The following LIMD1 variants were observed in gnomAD, a reference collection of about 807,000 sequenced individuals.
LIMD1 encodes the protein LIM domain-containing protein 1.
Under a neutral mutation model 58.4 loss-of-function variants are expected in LIMD1, and 23 were observed. The ratio of observed to expected loss-of-function variants is 0.39; its 90% CI spans 0.28 to 0.56. The LOEUF is 0.56. LIMD1 is among the 20% of genes least tolerant of loss of function. LIMD1 has a pLI of 0.57. For missense variants in LIMD1, 838 were observed against 855.5 expected, an observed-to-expected ratio of 0.98 and a Z score of 0.25; for synonymous variants, 334 against 345.5, an observed-to-expected ratio of 0.97 and a Z score of 0.37.
At chr3:45,668,063 G>T (rs1416358952) in intron 3 of LIMD1, among the ~76,000 whole-genome samples, 3 of 152,184 alleles carry the variant, frequency 2.0e-5, no homozygotes, top group Non-Finnish European at 2.9e-5. Flanking sequence ...TGCTGTGGGT[G>T]CCCAGACACA....
At chr3:45,655,518 C>G (rs528670860) in intron 2 of LIMD1, among the ~76,000 whole-genome samples, 3 of 152,308 alleles carry the variant, frequency 2.0e-5, no homozygotes, top group African/African-American at 7.2e-5. Flanking sequence ...AGTGCCAGTT[C>G]AGAGACAAGC....
intron 2 of LIMD1, among the ~76,000 whole-genome samples, chr3:45,638,388 G>T (rs1019979027): frequency 2.4e-4 from 36 of 152,220 alleles, no homozygotes; most frequent in Non-Finnish European, 3.7e-4. Context: ...TATTGGTCCT[G>T]TCACCCACAC....
At chr3:45,632,574 A>G in intron 1 of LIMD1, 1 of 983,414 alleles carries the variant, frequency 1.0e-6, no homozygotes, top group African/African-American at 1.7e-5. Context: ...AGAAAGAGGA[A>G]AGGACTGTGC....
At chr3:45,643,710 G>A (rs1161871821) in intron 2 of LIMD1, among the ~76,000 whole-genome samples, 1 of 152,240 alleles carries the variant, frequency 6.6e-6, no homozygotes, top group Non-Finnish European at 1.5e-5. Context: ...CCATGGAGCA[G>A]GGGGGTGCCC....
At chr3:45,633,998 G>A (rs1701761853) in intron 1 of LIMD1, among the ~76,000 whole-genome samples, 1 of 152,190 alleles carries the variant, frequency 6.6e-6, no homozygotes, top group Non-Finnish European at 1.5e-5. Context: ...ACCAAAGGAT[G>A]CCAGCTGGCT....
chr3:45,657,733 A>T (rs1468521686), intron 2 of LIMD1, among the ~76,000 whole-genome samples: 2 of 152,104 alleles, frequency 1.3e-5, no homozygotes, highest in Admixed American at 6.6e-5. Context: ...GTAAGCCTCA[A>T]TTTCCTTACT....
intron 1 of LIMD1, among the ~76,000 whole-genome samples, chr3:45,618,459 C>T (rs968698387): frequency 2.0e-5 from 3 of 151,964 alleles, no homozygotes; most frequent in East Asian, 1.9e-4. Flanking sequence ...GAGCTCAGTC[C>T]GGAGAGTCTG....
chr3:45,637,228 AGGGT>A, intron 2 of LIMD1, among the ~76,000 whole-genome samples: 2 of 152,120 alleles, frequency 1.3e-5, no homozygotes, highest in Non-Finnish European at 2.9e-5. Context: ...CTGCTAATCA[AGGGT>A]GGGGCCAGGG....
intron 6 of LIMD1, 145 bp downstream of exon 6, chr3:45,673,650 C>T (rs1159713221): frequency 1.4e-5 from 10 of 695,084 alleles, no homozygotes; most frequent in Admixed American, 6.8e-5. Flanking sequence ...CAGTGGCTCA[C>T]GCCTGTAATC....
rs747397575 is a variant in LIMD1, at chr3:45,676,930, T to C, written c.1902T>C (p.Gly634=). 6.2e-7 allele frequency: 1 copy of C among 1,614,106 alleles called. No individual in the cohort carries two copies. The highest frequency in any genetic ancestry group is 8.5e-7 in the Non-Finnish European group (1 of 1,179,998). The change falls in exon 8 of 8, where the codon GGT becomes GGC. Residue 634 remains glycine, a synonymous_variant. Transcript: ENST00000273317. The stretch of plus-strand genomic sequence containing the variant: ...TGTCTGCCTCCCCACAGGACTGTGG[T>C]CTGGAGCTCAATGATGAAGATGGCC... The part of the protein sequence containing the change: ...HVECYHCEDC[G]LELNDEDGHR...
rs750331359 is a variant in LIMD1, at chr3:45,596,130, G to A, written c.1251G>A (p.Val417=). The A allele has an allele frequency of 5.0e-6, 8 of 1,614,184 alleles. No homozygotes were observed. The highest frequency in any genetic ancestry group is 6.8e-6 in the Non-Finnish European group (8 of 1,180,032). ...CTTCTGATGGTAGCCTGGGATCTGT[G>A]CTCCTGGACAGCCCCAGCTCCCCTA... ...GWSSDGSLGS[V]LLDSPSSPRV... The change falls in exon 1 of 8, where the codon GTG becomes GTA. Residue 417 remains valine (V), a synonymous_variant. Transcript: ENST00000273317.
intron 1 of LIMD1, among the ~76,000 whole-genome samples, chr3:45,622,687 T>A (rs1017153802): frequency 6.6e-6 from 1 of 150,774 alleles, no homozygotes; most frequent in Non-Finnish European, 1.5e-5. Context: ...TTTTTTTTTT[T>A]AAACAGAGTC....
intron 1 of LIMD1, among the ~76,000 whole-genome samples, chr3:45,624,345 C>T (rs890957629): frequency 3.9e-5 from 6 of 151,984 alleles, no homozygotes; most frequent in African/African-American, 1.2e-4. Context: ...AAAATAAAGT[C>T]GAGATGTGAG....
At chr3:45,621,967 G>A (rs1701632111) in intron 1 of LIMD1, among the ~76,000 whole-genome samples, 1 of 151,714 alleles carries the variant, frequency 6.6e-6, no homozygotes, top group South Asian at 2.1e-4. Flanking sequence ...GGAGGCTGAG[G>A]CAGGAGAATC....
Position 45,685,062 on chromosome 3 carries a change from T to C in LIMD1, c.*8003T>C, listed in dbSNP as rs1021295900. The C allele has an allele frequency of 2.6e-5, 4 of 151,760 alleles. No homozygotes were observed. The highest frequency in any genetic ancestry group is 9.7e-5 in the African/African-American group (4 of 41,028). The allele number at this position is 151,760 out of a possible 1,614,324, so 9.4% of individuals were successfully genotyped here. On this transcript the variant is annotated 3_prime_UTR_variant, in exon 8 of 8. Transcript: ENST00000273317. ...CCTAAAAGTAGGTTGTAGAGATTATTTGGATGTGCCAACAAGCTTCATCTG... is the reference window on the plus strand; with the variant it reads ...CCTAAAAGTAGGTTGTAGAGATTATCTGGATGTGCCAACAAGCTTCATCTG...
chr3:45,604,963 A>C (rs1701453754), intron 1 of LIMD1, among the ~76,000 whole-genome samples: 1 of 152,234 alleles, frequency 6.6e-6, no homozygotes, highest in Non-Finnish European at 1.5e-5. Flanking sequence ...CATTCTTGCC[A>C]GGGGTCTTAA....
chr3:45,636,286 A>G, intron 2 of LIMD1, 35 bp downstream of exon 2: 2 of 1,471,542 alleles, frequency 1.4e-6, no homozygotes, highest in Non-Finnish European at 1.9e-6. Context: ...TGTGTGGGGG[A>G]TGCGTAAGGA....
At chr3:45,622,526 ATAAAAAT>A (rs1701636865) in intron 1 of LIMD1, among the ~76,000 whole-genome samples, 1 of 152,224 alleles carries the variant, frequency 6.6e-6, no homozygotes, top group African/African-American at 2.4e-5. Flanking sequence ...GTTCACTGTA[ATAAAAAT>A]TACGTGAATG....
At chr3:45,607,022 G>T (rs1447975695) in intron 1 of LIMD1, among the ~76,000 whole-genome samples, 1 of 152,144 alleles carries the variant, frequency 6.6e-6, no homozygotes, top group African/African-American at 2.4e-5. Context: ...TCGAACTCCT[G>T]ACCTCAAGTG....
Sources: allele counts gnomAD v4.1 joint callset (sites outside exome capture counted in the v4.1 genomes callset), GRCh38; gene constraint gnomAD v4.1.1; transcripts MANE v1.5; gene names NCBI Gene and HGNC (gene_info 2026-07-23, HGNC 2026-07-21).